Variants in NLGN4X observed in about 807,000 individuals in gnomAD.
The protein encoded by NLGN4X is neuroligin-4, X-linked.
NLGN4X carries 3 observed loss-of-function variants against 40.3 expected under a neutral mutation model. The observed-to-expected ratio is 0.07, with a 90% confidence interval of 0.03 to 0.19. The LOEUF (loss-of-function observed/expected upper bound fraction) is 0.19. Ranked by LOEUF, NLGN4X falls within the 10% of genes least tolerant of loss-of-function variation. The pLI is 1.00. For missense variants in NLGN4X, 382 were observed against 708.3 expected (o/e 0.54, Z 5.23); for synonymous variants, 270 against 306.8 (o/e 0.88, Z 1.25).
intron 3 of NLGN4X, among the ~76,000 whole-genome samples, chrX:6,020,586 G>C (rs1484123718): frequency 7.1e-5 from 8 of 112,013 alleles, no homozygotes; most frequent in South Asian, 7.4e-4. Flanking sequence ...ACATCTCTAA[G>C]AAAGTAGATT....
chrX:6,068,923 G>C (rs1184965112), intron 2 of NLGN4X, among the ~76,000 whole-genome samples: 7 of 112,316 alleles, frequency 6.2e-5, no homozygotes, highest in Admixed American at 5.7e-4. Context: ...GATGTCTGAA[G>C]AATTAAACTT....
chrX:6,109,603 T>C (rs945534503), intron 2 of NLGN4X, among the ~76,000 whole-genome samples: 1 of 111,935 alleles, frequency 8.9e-6, no homozygotes, highest in Non-Finnish European at 1.9e-5. Flanking sequence ...TCTCTCACTT[T>C]CTGATCCAGC....
intron 3 of NLGN4X, among the ~76,000 whole-genome samples, chrX:5,957,895 T>G (rs1419231933): frequency 1.8e-5 from 2 of 112,598 alleles, no homozygotes; most frequent in East Asian, 5.6e-4. Flanking sequence ...GCAAAAGCAT[T>G]AAAATTTTTT....
chrX:6,065,808 C>A (rs1033799294), intron 2 of NLGN4X, among the ~76,000 whole-genome samples: 2 of 111,281 alleles, frequency 1.8e-5, no homozygotes, highest in Admixed American at 1.9e-4. Flanking sequence ...TTTCCTTCTG[C>A]CTATCTTGAT....
At chrX:6,186,781 C>T (rs1922050444) in intron 1 of NLGN4X, 1 of 111,675 alleles carries the variant, frequency 9.0e-6, no homozygotes, top group African/African-American at 3.3e-5. Flanking sequence ...CCATTTGTGT[C>T]ATTGTGGATT....
At chrX:6,008,124 C>A (rs1366460533) in intron 3 of NLGN4X, among the ~76,000 whole-genome samples, 1 of 111,888 alleles carries the variant, frequency 8.9e-6, no homozygotes, top group Non-Finnish European at 1.9e-5. Context: ...ATAAAGTGAA[C>A]CATTTTAAAG....
At chrX:6,225,179 T>C (rs1169286389) in intron 1 of NLGN4X, among the ~76,000 whole-genome samples, 3 of 106,186 alleles carry the variant, frequency 2.8e-5, no homozygotes, top group Non-Finnish European at 5.8e-5. Flanking sequence ...GTATTCTTAA[T>C]TTTAGGATAC....
chrX:6,160,689 T>C lies in NLGN4X; in HGVS notation c.-305-8918A>G, dbSNP rs781418080. Reference sequence around the variant, plus strand: ...AGCATATGCCCCCATGCCCAGCTAATTTTTTGTATTTTTAGTAGAGACAGG... The same window carrying C: ...AGCATATGCCCCCATGCCCAGCTAACTTTTTGTATTTTTAGTAGAGACAGG... On this transcript the variant is annotated intron_variant, in intron 1 of 5. Coordinates refer to ENST00000381095, the MANE Select transcript of NLGN4X (RefSeq NM_181332.3). Among the ~76,000 whole-genome samples the C allele has an allele frequency of 4.6e-3, 496 of 108,664 alleles. 5 individuals carry two copies. The highest frequency in any genetic ancestry group is 0.016 in the African/African-American group (481 of 30,050). 94.4% of individuals were successfully genotyped at this position (108,664 alleles called of 115,157 possible). A position where few individuals can be genotyped will look rare whatever the true frequency, so the allele number is the denominator to read the frequency against.
At chrX:5,970,955 G>T (rs2035004743) in intron 3 of NLGN4X, among the ~76,000 whole-genome samples, 2 of 111,163 alleles carry the variant, frequency 1.8e-5, no homozygotes, top group East Asian at 2.8e-4. Flanking sequence ...AATCATCTCT[G>T]CATGTCTTGA....
intron 5 of NLGN4X, among the ~76,000 whole-genome samples, chrX:5,898,201 C>T (rs971598875): frequency 5.0e-5 from 5 of 99,591 alleles, no homozygotes; most frequent in Non-Finnish European, 1.0e-4. Context: ...TCCTTCCTTC[C>T]CTTCTTCTTT....
chrX:6,208,518 C>T (rs1045908239), intron 1 of NLGN4X, among the ~76,000 whole-genome samples: 11 of 112,222 alleles, frequency 9.8e-5, no homozygotes, highest in Non-Finnish European at 2.1e-4. Flanking sequence ...TACTATCTCT[C>T]ATTGCACTCT....
At chrX:6,204,840 C>T (rs1923903515) in intron 1 of NLGN4X, among the ~76,000 whole-genome samples, 1 of 111,671 alleles carries the variant, frequency 9.0e-6, no homozygotes, top group South Asian at 3.8e-4. Context: ...TTGGGTTTAG[C>T]ACCTCCTTTC....
chrX:6,179,971 A>G (rs1921249145), intron 1 of NLGN4X, among the ~76,000 whole-genome samples: 1 of 111,911 alleles, frequency 8.9e-6, no homozygotes, highest in South Asian at 3.8e-4. Context: ...AGTGGATGCT[A>G]AAGTTATCTT....
intron 1 of NLGN4X, among the ~76,000 whole-genome samples, chrX:6,178,191 T>A (rs761392141): frequency 2.7e-5 from 3 of 112,199 alleles, no homozygotes; most frequent in Non-Finnish European, 5.6e-5. Context: ...AATGCAGATA[T>A]CCATCTTTTA....
chrX:6,061,388 AT>A (rs1470130240), intron 2 of NLGN4X, among the ~76,000 whole-genome samples: 3 of 103,401 alleles, frequency 2.9e-5, no homozygotes, highest in African/African-American at 1.0e-4. Flanking sequence ...ATGTGGTTAG[AT>A]TTTCCATCTT....
intron 2 of NLGN4X, among the ~76,000 whole-genome samples, chrX:6,050,310 T>C (rs1445249174): frequency 1.8e-5 from 2 of 111,611 alleles, no homozygotes; most frequent in African/African-American, 6.5e-5. Context: ...GATTAAGAGG[T>C]CTATCTATCC....
intron 2 of NLGN4X, among the ~76,000 whole-genome samples, chrX:6,070,912 C>G (rs2147362918): frequency 9.0e-6 from 1 of 111,574 alleles, no homozygotes; most frequent in Non-Finnish European, 1.9e-5. Context: ...GGAGACCACC[C>G]CCATGATCCA....
chrX:6,005,224 C>T (rs939279237), intron 3 of NLGN4X, among the ~76,000 whole-genome samples: 11 of 112,329 alleles, frequency 9.8e-5, no homozygotes, highest in African/African-American at 3.6e-4. Flanking sequence ...GATTCTCTTA[C>T]TGGCATGATG....
At chrX:6,062,382 C>G (rs1426748622) in intron 2 of NLGN4X, among the ~76,000 whole-genome samples, 1 of 111,920 alleles carries the variant, frequency 8.9e-6, no homozygotes, top group Non-Finnish European at 1.9e-5. Flanking sequence ...CACCTTTGCC[C>G]CTACAGACAA....
Sources: gnomAD v4.1 joint callset for allele counts (sites outside exome capture counted in the v4.1 genomes callset) on GRCh38, gnomAD v4.1.1 for gene constraint, MANE v1.5 for transcripts, NCBI Gene and HGNC (gene_info 2026-07-23, HGNC 2026-07-21) for gene names.